SAFB: variants seen among roughly 807,000 people sequenced by gnomAD.
SAFB encodes the protein scaffold attachment factor B, also known as scaffold attachment factor B1.
In SAFB, 15 loss-of-function variants were observed where a neutral mutation model predicts 101.6. The ratio of observed to expected loss-of-function variants is 0.15; its 90% confidence interval spans 0.10 to 0.23. The LOEUF (loss-of-function observed/expected upper bound fraction) is 0.23, where lower values mean the gene tolerates loss of function less well. Ranked by LOEUF, SAFB falls within the 10% of genes least tolerant of loss-of-function variation. The pLI, the probability that SAFB is intolerant of heterozygous loss-of-function variation, is 1.00. For missense variants in SAFB, 930 were observed against 1,104.1 expected, an observed-to-expected ratio of 0.84 and a Z score of 2.23; for synonymous variants, 449 against 407.5, an observed-to-expected ratio of 1.10 and a Z score of -1.23.
At chr19:5,632,037 A>G (rs1202029828) in intron 2 of SAFB, among the ~76,000 whole-genome samples, 1 of 152,198 alleles carries the variant, frequency 6.6e-6, no homozygotes, top group African/African-American at 2.4e-5. Flanking sequence ...TAACAGGGCA[A>G]GACTCTGTCT....
At position 5,660,191 on chromosome 19, in the gene SAFB, CTG is replaced by C. The variant is rs747985508; in HGVS notation, c.1863-1322_1863-1321del. 1.1e-4 allele frequency among the ~76,000 whole-genome samples: 17 copies of C among 152,178 alleles called. No homozygotes were observed. The South Asian group carries it at 3.3e-3, about 30-fold the overall frequency. ...AGAGGATCAAGTTTCTGATATAAAA[CTG>C]TGTGGTATTTCTGCATATAACCCAT... On this transcript the variant is annotated intron_variant, in intron 14 of 20. Transcript: ENST00000588852.
chr19:5,654,779 C>T (rs2054016986), intron 13 of SAFB, among the ~76,000 whole-genome samples: 1 of 152,176 alleles, frequency 6.6e-6, no homozygotes, highest in Non-Finnish European at 1.5e-5. Context: ...GTTGGCCAGG[C>T]TGGCCTCGAA....
chr19:5,628,967 C>CT (rs1253747696), intron 2 of SAFB, among the ~76,000 whole-genome samples: 1 of 152,166 alleles, frequency 6.6e-6, no homozygotes, highest in East Asian at 1.9e-4. Flanking sequence ...GGTTCTCACT[C>CT]TGTCACTCAG....
intron 4 of SAFB, among the ~76,000 whole-genome samples, chr19:5,643,470 A>T (rs2145434184): frequency 6.6e-6 from 1 of 152,252 alleles, no homozygotes; most frequent in South Asian, 2.1e-4. Context: ...AGTGGCTGAG[A>T]GTTATTCTGA....
intron 4 of SAFB, 133 bp from the exon 5 acceptor site, chr19:5,645,204 T>C (rs2053801574): frequency 3.6e-6 from 2 of 555,316 alleles, no homozygotes; most frequent in Admixed American, 3.5e-5. Context: ...TAATAGTGTT[T>C]TGATTTCTGC....
At chr19:5,657,378 T>C in intron 14 of SAFB, 31 bp downstream of exon 14, 4 of 1,466,152 alleles carry the variant, frequency 2.7e-6, no homozygotes, top group Non-Finnish European at 3.8e-6. Flanking sequence ...GGTTTGGTGT[T>C]TTTCCTAGAA....
Position 5,654,378 on chromosome 19 carries a change from G to A in SAFB, c.1677G>A (p.Gly559=), listed in dbSNP as rs550814242. 375 of 1,612,908 alleles carry A rather than the reference G, an allele frequency of 2.3e-4. 3 individuals are homozygous for A. In the South Asian group the frequency reaches 3.6e-3, roughly 16 times the overall value. ...RSRATKSGSR[G]TERTVVMDKS... ...CCGTCTTTTCTGTAGGAAGTCGAGG[G>A]ACCGAACGGACTGTAGTAATGGATA... The change falls in exon 13 of 21, where the codon GGG becomes GGA. Residue 559 remains glycine, a synonymous_variant. Coordinates refer to ENST00000588852, the MANE Select transcript of SAFB (RefSeq NM_001201338.2).
rs2053715833 is a variant in SAFB at position 5,641,640 on chromosome 19, A to G, written c.321A>G (p.Glu107=). 2 of 1,613,922 alleles carry G rather than the reference A, an allele frequency of 1.2e-6. No homozygotes were observed. Among genetic ancestry groups the G allele is most frequent in the Admixed American group, 1.7e-5 (1 of 59,978 alleles). ...EEGVEDNGLE[E]NSGDGQEDVE... ...GTGTGGAAGATAACGGGCTGGAGGA[A>G]AACTCTGGGGATGGACAGGTATGTG... Residue 107 remains glutamate, a synonymous_variant, in exon 3 of 21, where the codon GAA becomes GAG. Coordinates refer to ENST00000588852, the MANE Select transcript of SAFB (RefSeq NM_001201338.2).
chr19:5,661,866 A>C, intron 15 of SAFB, 58 bp downstream of exon 15: 25 of 1,174,626 alleles, frequency 2.1e-5, no homozygotes, highest in Admixed American at 2.8e-5. Flanking sequence ...TAGGGACCTC[A>C]CAGTCCAGTT....
At chr19:5,664,543 T>G in intron 17 of SAFB, 104 bp downstream of exon 17, 5 of 878,268 alleles carry the variant, frequency 5.7e-6, no homozygotes, top group Non-Finnish European at 9.5e-6. Context: ...AGAGGCAAAA[T>G]GAGGAAAGAG....
chr19:5,645,832 G>A (rs924501372), intron 5 of SAFB, among the ~76,000 whole-genome samples: 1 of 152,174 alleles, frequency 6.6e-6, no homozygotes, highest in African/African-American at 2.4e-5. Context: ...TGGGGAAGGT[G>A]GGGTCTCAGG....
At chr19:5,662,495 A>G (rs1599384719) in intron 15 of SAFB, among the ~76,000 whole-genome samples, 1 of 150,014 alleles carries the variant, frequency 6.7e-6, no homozygotes, top group East Asian at 2.0e-4. Context: ...CTCGGTCTCA[A>G]AAAAAAAAAA....
chr19:5,660,078 G>A (rs2054160737), intron 14 of SAFB, among the ~76,000 whole-genome samples: 1 of 152,108 alleles, frequency 6.6e-6, no homozygotes, highest in African/African-American at 2.4e-5. Flanking sequence ...ACACTATGAG[G>A]CAAGATTATA....
chr19:5,661,414 C>T lies in SAFB; in HGVS notation c.1863-104C>T, dbSNP rs2054199388. On this transcript the variant is annotated intron_variant, in intron 14 of 20. Coordinates refer to ENST00000588852, the MANE Select transcript of SAFB (RefSeq NM_001201338.2). Reference sequence around the variant, plus strand: ...ACGGTTCTGCAGACCACGTAGTGGACGCACAGCCCTGGAGTCTGTGCGACC... The same window carrying T: ...ACGGTTCTGCAGACCACGTAGTGGATGCACAGCCCTGGAGTCTGTGCGACC... 6 of 1,535,190 alleles carry T rather than the reference C, an allele frequency of 3.9e-6. No homozygotes were observed. In the South Asian group the frequency reaches 5.1e-5, roughly 13 times the overall value.
intron 8 of SAFB, among the ~76,000 whole-genome samples, chr19:5,650,528 C>T (rs907325791): frequency 6.6e-6 from 1 of 152,204 alleles, no homozygotes; most frequent in South Asian, 2.1e-4. Flanking sequence ...TCTCCTGCCT[C>T]AGCCTCCTGA....
Position 5,654,377 on chromosome 19 carries a change from G to A in SAFB, c.1676G>A (p.Gly559Glu), listed in dbSNP as rs772966592. ...CCCGTCTTTTCTGTAGGAAGTCGAG[G>A]GACCGAACGGACTGTAGTAATGGAT... ...RSRATKSGSR[G>E]TERTVVMDKS... Residue 559 changes from glycine (G) to glutamate (E), a missense_variant, in exon 13 of 21, where the codon GGG becomes GAG. Gly to Glu is a moderately conservative substitution (Grantham distance 98). Around this residue, in one of 7 missense-constraint regions of SAFB, gnomAD observed 159 missense variants for 234.1 expected, o/e 0.68. Transcript: ENST00000588852. The A allele has an allele frequency of 2.5e-6, 4 of 1,612,906 alleles. No individual in the cohort carries two copies. The highest frequency in any genetic ancestry group is 3.4e-6 in the Non-Finnish European group (4 of 1,178,912).
At chr19:5,656,149 T>G (rs2054053812) in intron 13 of SAFB, among the ~76,000 whole-genome samples, 1 of 152,242 alleles carries the variant, frequency 6.6e-6, no homozygotes, top group Admixed American at 6.5e-5. Flanking sequence ...CACTAAAAGT[T>G]ATTCATCACA....
Position 5,650,966 on chromosome 19 carries a change from C to T in SAFB, c.1199-12C>T, listed in dbSNP as rs753378576. On this transcript the variant is annotated splice_polypyrimidine_tract_variant and intron_variant, in intron 8 of 20. Coordinates refer to ENST00000588852, the MANE Select transcript of SAFB (RefSeq NM_001201338.2). Reference sequence around the variant, plus strand: ...GTATTTGGGTTTTTACTAGAATTTTCTTTTGAAATAGGTCGCAGCAGTTGT... The same window carrying T: ...GTATTTGGGTTTTTACTAGAATTTTTTTTTGAAATAGGTCGCAGCAGTTGT... The T allele has an allele frequency of 1.3e-6, 2 of 1,557,794 alleles. No individual in the cohort carries two copies. The highest frequency in any genetic ancestry group is 3.6e-5 in the Admixed American group (2 of 55,482).
chr19:5,667,054 A>G lies in SAFB; in HGVS notation c.2343A>G (p.Pro781=). The G allele has an allele frequency of 2.5e-6, 4 of 1,604,786 alleles. No homozygotes were observed. The highest frequency in any genetic ancestry group is 2.6e-6 in the Non-Finnish European group (3 of 1,172,090). ...GGCTCTGTGATGTCCAGCATTACCC[A>G]GAACGCCATGGAGGACCAGAGCGCC... ...MMGEREGQHY[P]ERHGGPERHG... Residue 781 remains proline (P), a synonymous_variant, in exon 18 of 21, where the codon CCA becomes CCG. Transcript: ENST00000588852. This position sits in a 1 kb window ranked among gnomAD's most constrained non-coding sequence, Gnocchi z 4.0.
Sources: allele counts gnomAD v4.1 joint callset (sites outside exome capture counted in the v4.1 genomes callset), GRCh38; gene constraint gnomAD v4.1.1; regional missense constraint gnomAD v4.1.1; non-coding constraint Gnocchi (gnomAD v3.1); transcripts MANE v1.5; gene names NCBI Gene and HGNC (gene_info 2026-07-23, HGNC 2026-07-21).